The following SLIT3 variants were observed in gnomAD, a reference collection of about 807,000 sequenced individuals.
SLIT3 encodes slit guidance ligand 3.
SLIT3 carries 68 observed loss-of-function variants against 184.0 expected under a neutral mutation model. The ratio of observed to expected loss-of-function variants is 0.37; its 90% CI spans 0.30 to 0.45. The LOEUF (loss-of-function observed/expected upper bound fraction) is 0.45, where lower values mean the gene tolerates loss of function less well. Among genes scored for constraint, SLIT3 ranks in the 20% least tolerant of loss-of-function variants. The pLI is 1.00. For synonymous variants in SLIT3, 831 were observed against 828.6 expected (o/e 1.00, Z -0.05); for missense variants, 1,707 against 2,026.0 (o/e 0.84, Z 3.02).
rs1020814759 is a variant in SLIT3 at position 168,753,134 on chromosome 5, C to G, written c.1830-36G>C. On this transcript the variant is annotated intron_variant, in intron 17 of 35. Transcript: ENST00000519560. ...AGGGGTGGGGATGAGAGAGCACAGG[C>G]ATGATCTTTTCTGTCCCAAATGGTG... 19 of 1,609,894 alleles carry G rather than the reference C, an allele frequency of 1.2e-5. No individual in the cohort carries two copies. The African/African-American group carries it at 2.3e-4, about 19-fold the overall frequency.
intron 4 of SLIT3, among the ~76,000 whole-genome samples, chr5:169,121,941 C>A (rs1478589510): frequency 6.6e-6 from 1 of 152,232 alleles, no homozygotes; most frequent in Non-Finnish European, 1.5e-5. Context: ...TGACTGATTT[C>A]TCAGAGAATT....
rs184415437 is a variant in SLIT3 at position 168,978,222 on chromosome 5, G to A, written c.414-94886C>T. On this transcript the variant is annotated intron_variant, in intron 4 of 35. Coordinates refer to ENST00000519560, the MANE Select transcript of SLIT3 (RefSeq NM_003062.4). ...AAGTGAAGATAAAGCTGCTAAGTGC[G>A]TAGAAGTTTCCATGTGCAGACAATT... Among the ~76,000 whole-genome samples the A allele has an allele frequency of 3.4e-3, 520 of 152,362 alleles. 3 individuals carry two copies. Among genetic ancestry groups the A allele is most frequent in the Middle Eastern group, 6.8e-3 (2 of 294 alleles).
At chr5:168,717,303 A>T (rs1762770059) in intron 23 of SLIT3, among the ~76,000 whole-genome samples, 2 of 143,942 alleles carry the variant, frequency 1.4e-5, no homozygotes, top group African/African-American at 5.3e-5. Context: ...GGTGACTAAG[A>T]TAACATAACT....
At chr5:169,025,848 C>T (rs1420678456) in intron 4 of SLIT3, among the ~76,000 whole-genome samples, 2 of 152,168 alleles carry the variant, frequency 1.3e-5, no homozygotes, top group Non-Finnish European at 2.9e-5. Context: ...GCTCCCAGGG[C>T]CTGCACTTTG....
chr5:169,275,193 C>T (rs1216128257), intron 1 of SLIT3, among the ~76,000 whole-genome samples: 1 of 152,178 alleles, frequency 6.6e-6, no homozygotes, highest in Non-Finnish European at 1.5e-5. Flanking sequence ...AAGTACTTCT[C>T]ATGCATAGGT....
intron 16 of SLIT3, among the ~76,000 whole-genome samples, chr5:168,755,389 A>ATTTCTTTCTTTCTTTCC (rs1754860723): frequency 1.5e-5 from 2 of 133,774 alleles, no homozygotes; most frequent in African/African-American, 5.2e-5. Context: ...CAGTGCCGCC[A>ATTTCTTTCTTTCTTTCC]TTTCTTTCTT....
intron 5 of SLIT3, among the ~76,000 whole-genome samples, chr5:168,868,767 GA>G (rs1210835342): frequency 3.2e-4 from 30 of 92,696 alleles, no homozygotes; most frequent in African/African-American, 1.8e-3. Context: ...AAAAAAAAAA[GA>G]AAAAGAAAAA....
intron 4 of SLIT3, among the ~76,000 whole-genome samples, chr5:168,925,222 G>C (rs970113135): frequency 2.0e-5 from 3 of 152,118 alleles, no homozygotes; most frequent in Non-Finnish European, 2.9e-5. Flanking sequence ...TTGTTGAATG[G>C]GCTCGGGGAG....
chr5:168,671,079 C>A, intron 34 of SLIT3, 119 bp downstream of exon 34: 1 of 1,132,982 alleles, frequency 8.8e-7, no homozygotes, highest in Non-Finnish European at 1.3e-6. Flanking sequence ...TACACAGATC[C>A]TATCTGCGGT....
rs942353433 is a variant in SLIT3, at chr5:168,807,787, A to C, written c.794-1200T>G. ...TGGCCCCTGTTCACTGGAGAAACTG[A>C]GTCTAGGAAGCCAGAGTGGGTCTAG... is the stretch of plus-strand genomic sequence containing the variant. On this transcript the variant is annotated intron_variant, in intron 8 of 35. Coordinates refer to ENST00000519560, the MANE Select transcript of SLIT3 (RefSeq NM_003062.4). Among the ~76,000 whole-genome samples, 5 of 152,166 alleles carry C rather than the reference A, an allele frequency of 3.3e-5. No individual in the cohort carries two copies. In the East Asian group the frequency reaches 9.6e-4, roughly 29 times the overall value.
At chr5:168,751,021 T>G (rs1410755006) in intron 18 of SLIT3, among the ~76,000 whole-genome samples, 1 of 143,568 alleles carries the variant, frequency 7.0e-6, no homozygotes, top group Non-Finnish European at 1.5e-5. Flanking sequence ...AGGTGACCCT[T>G]GAGCAAAGGT....
intron 4 of SLIT3, among the ~76,000 whole-genome samples, chr5:168,999,479 T>C (rs1467672335): frequency 6.6e-6 from 1 of 151,584 alleles, no homozygotes. Context: ...TGCTGAGTGA[T>C]AACTAATCAT....
At chr5:168,868,915 C>G (rs1286688821) in intron 5 of SLIT3, among the ~76,000 whole-genome samples, 2 of 152,136 alleles carry the variant, frequency 1.3e-5, no homozygotes, top group Non-Finnish European at 1.5e-5. Context: ...AAAATCTCAC[C>G]TATTCTATTG....
At chr5:168,707,126 A>G (rs112555168) in intron 26 of SLIT3, 492 of 152,344 alleles carry the variant, frequency 3.2e-3, no homozygotes, top group Non-Finnish European at 5.2e-3. Context: ...TGGAATCACA[A>G]AGCCCAGGGT....
chr5:168,883,527 A>AATGGTTACCAGGC (rs1278651238), intron 4 of SLIT3, among the ~76,000 whole-genome samples, 191 bp from the exon 5 acceptor site: 1 of 152,198 alleles, frequency 6.6e-6, no homozygotes, highest in Non-Finnish European at 1.5e-5. Context: ...CCGTTGCTGA[A>AATGGTTACCAGGC]ATGGTTACCA....
At chr5:168,789,705 A>G in intron 10 of SLIT3, 74 bp from the exon 11 acceptor site, 1 of 1,060,672 alleles carries the variant, frequency 9.4e-7, no homozygotes, top group East Asian at 2.5e-5. Flanking sequence ...GTGTGAATCA[A>G]GCATTTCAGA....
rs1767658696 is a variant in SLIT3 at position 169,300,790 on chromosome 5, C to T, written c.-81G>A. ...AGCCCGAGGAGGCGCGCGGGGAGCG[C>T]GGGCGGCCTGGGGAGCGGGCGGCGG... is the stretch of plus-strand genomic sequence containing the variant. On this transcript the variant is annotated 5_prime_UTR_variant, in exon 1 of 36. Transcript: ENST00000519560. The surrounding 1 kb of genome is among the most constrained non-coding windows in gnomAD (Gnocchi z 4.1). 4 of 1,233,646 alleles carry T rather than the reference C, an allele frequency of 3.2e-6. No individual in the cohort carries two copies. Among genetic ancestry groups the T allele is most frequent in the South Asian group, 7.2e-5 (2 of 27,964 alleles). 76.4% of individuals were successfully genotyped at this position (1,233,646 alleles called of 1,614,324 possible). A position where few individuals can be genotyped will look rare whatever the true frequency, so the allele number is the denominator to read the frequency against.
chr5:168,777,208 AGCT>A (rs1469205423), intron 12 of SLIT3, among the ~76,000 whole-genome samples: 1 of 152,128 alleles, frequency 6.6e-6, no homozygotes, highest in Non-Finnish European at 1.5e-5. Context: ...GCCATGGAGT[AGCT>A]GCCCCCTTTA....
At chr5:169,071,501 C>A (rs978954378) in intron 4 of SLIT3, among the ~76,000 whole-genome samples, 1 of 152,084 alleles carries the variant, frequency 6.6e-6, no homozygotes, top group Non-Finnish European at 1.5e-5. Context: ...GCACCCAGAG[C>A]GATAAATGAC....
Sources: gnomAD v4.1 joint callset for allele counts (sites outside exome capture counted in the v4.1 genomes callset) on GRCh38, gnomAD v4.1.1 for gene constraint, Gnocchi (gnomAD v3.1) non-coding constraint, MANE v1.5 for transcripts, NCBI Gene and HGNC (gene_info 2026-07-23, HGNC 2026-07-21) for gene names.